SHANK2: variants seen among roughly 807,000 people sequenced by gnomAD.
SHANK2 encodes SH3 and multiple ankyrin repeat domains protein 2.
In SHANK2, 43 loss-of-function variants were observed where a neutral mutation model predicts 133.7. The observed-to-expected ratio is 0.32, with a 90% CI of 0.25 to 0.41. The LOEUF is 0.41. SHANK2 is among the 10% of genes least tolerant of loss of function. The pLI, the probability that SHANK2 is intolerant of heterozygous loss-of-function variation, is 1.00. For synonymous variants in SHANK2, 1,017 were observed against 952.8 expected (o/e 1.07, Z -1.24); for missense variants, 1,994 against 2,235.8 (o/e 0.89, Z 2.18).
chr11:70,528,397 C>T (rs1290743789), intron 17 of SHANK2, among the ~76,000 whole-genome samples: 1 of 152,152 alleles, frequency 6.6e-6, no homozygotes, highest in African/African-American at 2.4e-5. Flanking sequence ...CACCTGGTGG[C>T]CATGGGACCC....
At position 70,718,163 on chromosome 11, in the gene SHANK2, A is replaced by G. The variant is rs146285008; in HGVS notation, c.1778-19400T>C. Among the ~76,000 whole-genome samples, 199 of 152,352 alleles carry G rather than the reference A, an allele frequency of 1.3e-3. 1 individual carries two copies. The East Asian group carries it at 0.034, about 26-fold the overall frequency. On this transcript the variant is annotated intron_variant, in intron 14 of 25. Transcript: ENST00000601538. ...ATGCCATTAGCAGGGAGAGGCAGTG[A>G]TTCAACCCGGCTATTAGGATGGGCC...
chr11:71,142,066 A>T (rs569462691), intron 3 of SHANK2, among the ~76,000 whole-genome samples: 29 of 152,302 alleles, frequency 1.9e-4, no homozygotes, highest in Non-Finnish European at 3.4e-4. Context: ...TACCAAACAA[A>T]CAACTCAAGA....
chr11:70,542,650 C>T lies in SHANK2; in HGVS notation c.2062-39719G>A, dbSNP rs370367559. On this transcript the variant is annotated intron_variant, in intron 17 of 25. Coordinates refer to ENST00000601538, the MANE Select transcript of SHANK2 (RefSeq NM_012309.5). Reference sequence around the variant, plus strand: ...CTCCACTCTAACCATCAGGTCCTTCCTGGAGCACAAACCCAACAGCCCAGG... The same window carrying T: ...CTCCACTCTAACCATCAGGTCCTTCTTGGAGCACAAACCCAACAGCCCAGG... 1.1e-4 allele frequency among the ~76,000 whole-genome samples: 16 copies of T among 152,352 alleles called. No homozygotes were observed. The East Asian group carries it at 2.9e-3, about 28-fold the overall frequency.
intron 11 of SHANK2, among the ~76,000 whole-genome samples, chr11:70,875,704 A>C (rs781989574): frequency 1.3e-5 from 2 of 152,006 alleles, no homozygotes; most frequent in Non-Finnish European, 2.9e-5. Flanking sequence ...AAAATATAAA[A>C]ATTAGCTGGG....
chr11:70,567,330 A>T (rs1341219679), intron 17 of SHANK2, among the ~76,000 whole-genome samples: 1 of 152,134 alleles, frequency 6.6e-6, no homozygotes, highest in Non-Finnish European at 1.5e-5. Context: ...TGGTGTCCTT[A>T]TAAGAGCTGG....
intron 14 of SHANK2, among the ~76,000 whole-genome samples, chr11:70,732,010 C>A (rs910961663): frequency 2.0e-5 from 3 of 152,178 alleles, no homozygotes; most frequent in Non-Finnish European, 2.9e-5. Context: ...CCTCTGAACG[C>A]AGTCCTCTGT....
At chr11:71,089,700 G>T (rs1403005239) in intron 8 of SHANK2, among the ~76,000 whole-genome samples, 1 of 152,154 alleles carries the variant, frequency 6.6e-6, no homozygotes, top group African/African-American at 2.4e-5. Flanking sequence ...GGCGAGCGTG[G>T]TCAGGCCAGG....
chr11:70,672,212 C>G (rs919761243), intron 15 of SHANK2, among the ~76,000 whole-genome samples: 1 of 151,810 alleles, frequency 6.6e-6, no homozygotes, highest in East Asian at 1.9e-4. Flanking sequence ...TACAGGTGCC[C>G]GCCACCATGC....
intron 3 of SHANK2, among the ~76,000 whole-genome samples, chr11:71,131,972 C>T (rs1338144917): frequency 6.6e-6 from 1 of 152,218 alleles, no homozygotes; most frequent in Non-Finnish European, 1.5e-5. Context: ...TTAAGGGGGT[C>T]CCCGAGGCCG....
intron 3 of SHANK2, among the ~76,000 whole-genome samples, chr11:71,134,313 C>G (rs57772484): frequency 0.029 from 4,439 of 150,672 alleles, 200 homozygotes; most frequent in African/African-American, 0.099. Context: ...GGGGTTTCCT[C>G]TTGGGGGGAT....
intron 15 of SHANK2, among the ~76,000 whole-genome samples, chr11:70,672,081 T>G (rs1286860464): frequency 4.7e-5 from 7 of 150,498 alleles, no homozygotes; most frequent in Non-Finnish European, 1.5e-5. Context: ...TTTTTTTTTT[T>G]TAGAGGGAGT....
chr11:70,812,372 C>G (rs1455905200), intron 12 of SHANK2, among the ~76,000 whole-genome samples: 5 of 152,214 alleles, frequency 3.3e-5, no homozygotes, highest in Admixed American at 3.3e-4. Flanking sequence ...CACATGTCTT[C>G]TTATTCACTG....
chr11:70,800,024 G>T (rs547659945), intron 13 of SHANK2, among the ~76,000 whole-genome samples: 52 of 148,276 alleles, frequency 3.5e-4, no homozygotes, highest in East Asian at 1.2e-3. Context: ...ATATCTTAGG[G>T]TTTTTTTTTT....
intron 3 of SHANK2, among the ~76,000 whole-genome samples, chr11:71,144,689 A>C (rs2135394776): frequency 6.6e-6 from 1 of 152,372 alleles, no homozygotes; most frequent in Non-Finnish European, 1.5e-5. Context: ...AGAAAGAAAA[A>C]AAATTCCAGC....
chr11:70,573,073 C>G (rs897241776), intron 17 of SHANK2, among the ~76,000 whole-genome samples: 2 of 152,108 alleles, frequency 1.3e-5, no homozygotes, highest in African/African-American at 2.4e-5. Context: ...CGCGAAGGAA[C>G]GGACTGCCGG....
At chr11:70,913,058 C>T (rs1352709835) in intron 10 of SHANK2, among the ~76,000 whole-genome samples, 13 of 148,602 alleles carry the variant, frequency 8.7e-5, no homozygotes, top group African/African-American at 3.2e-4. Flanking sequence ...CTTTCCCCTC[C>T]ACTTCTCCAG....
intron 10 of SHANK2, among the ~76,000 whole-genome samples, chr11:70,924,980 G>C (rs187333461): frequency 2.6e-5 from 4 of 152,116 alleles, no homozygotes; most frequent in African/African-American, 4.8e-5. Context: ...GGGCTCACAG[G>C]GGGGCAGATT....
Position 71,216,297 on chromosome 11 carries a change from G to A in SHANK2, c.-13+8400C>T, listed in dbSNP as rs546705545. ...AGTATCACTCAGCCTTTAAAAGGAA[G>A]GAATCACTGAATCATGCTAAACGTG... On this transcript the variant is annotated intron_variant, in intron 2 of 25. Transcript: ENST00000601538. 2.0e-5 allele frequency among the ~76,000 whole-genome samples: 3 copies of A among 152,342 alleles called. No individual in the cohort carries two copies. The South Asian group carries it at 6.2e-4, about 32-fold the overall frequency.
At chr11:70,893,785 G>A (rs1415094008) in intron 11 of SHANK2, among the ~76,000 whole-genome samples, 1 of 152,180 alleles carries the variant, frequency 6.6e-6, no homozygotes, top group Admixed American at 6.5e-5. Flanking sequence ...GACTCCCTGC[G>A]TAAGCTGATT....
Sources: allele counts gnomAD v4.1 joint callset (sites outside exome capture counted in the v4.1 genomes callset), GRCh38; gene constraint gnomAD v4.1.1; transcripts MANE v1.5; gene names NCBI Gene and HGNC (gene_info 2026-07-23, HGNC 2026-07-21).